Variants in MALRD1 observed in about 807,000 individuals in gnomAD.
MALRD1 encodes the protein MAM and LDL receptor class A domain containing 1.
A neutral mutation model predicts 242.1 loss-of-function variants in MALRD1; 247 were observed. The ratio of observed to expected loss-of-function variants is 1.02; its 90% CI spans 0.92 to 1.13. MALRD1 has a LOEUF of 1.13. Ranked by LOEUF, MALRD1 falls within the 50% of genes most tolerant of loss-of-function variation. MALRD1 has a pLI of 0.00. For synonymous variants in MALRD1, 995 were observed against 866.6 expected, an observed-to-expected ratio of 1.15 and a Z score of -2.60; for missense variants, 2,989 against 2,533.1, an observed-to-expected ratio of 1.18 and a Z score of -3.86.
chr10:19,407,194 G>T (rs1833066413), intron 28 of MALRD1, among the ~76,000 whole-genome samples: 1 of 152,126 alleles, frequency 6.6e-6, no homozygotes, highest in Non-Finnish European at 1.5e-5. Context: ...CCCTGGCCAG[G>T]CATGGTGGCT....
chr10:19,608,026 T>A lies in MALRD1; in HGVS notation c.6070+124T>A, dbSNP rs1021927058. ...GCATGGAATAATTGAATTTCTATTC[T>A]TGGTTTGGGGGCAGAAAGAATGTTG... On this transcript the variant is annotated intron_variant, in intron 35 of 39. Coordinates refer to ENST00000454679, the MANE Select transcript of MALRD1 (RefSeq NM_001142308.3). 3.1e-6 allele frequency: 4 copies of A among 1,304,802 alleles called. No homozygotes were observed. In the African/African-American group the frequency reaches 5.9e-5, roughly 19 times the overall value. The allele number at this position is 1,304,802 out of a possible 1,614,324, so 80.8% of individuals were successfully genotyped here. A position where few individuals can be genotyped will look rare whatever the true frequency, so the allele number is the denominator to read the frequency against.
At chr10:19,384,032 T>G (rs1476117100) in intron 26 of MALRD1, among the ~76,000 whole-genome samples, 1 of 151,732 alleles carries the variant, frequency 6.6e-6, no homozygotes, top group Admixed American at 6.6e-5. Context: ...GAATGATAAT[T>G]CTGGTATTGG....
At chr10:19,499,906 A>T (rs1302066623) in intron 31 of MALRD1, among the ~76,000 whole-genome samples, 1 of 152,186 alleles carries the variant, frequency 6.6e-6, no homozygotes, top group African/African-American at 2.4e-5. Context: ...TATATGGTGA[A>T]TCACATGTAC....
At chr10:19,195,142 T>C (rs1200934144) in intron 14 of MALRD1, among the ~76,000 whole-genome samples, 1 of 152,166 alleles carries the variant, frequency 6.6e-6, no homozygotes, top group Non-Finnish European at 1.5e-5. Context: ...GCAGCGTACA[T>C]AGTGTTCAGG....
intron 36 of MALRD1, among the ~76,000 whole-genome samples, chr10:19,624,831 A>G (rs143618968): frequency 1.4e-5 from 2 of 146,142 alleles, no homozygotes; most frequent in African/African-American, 5.1e-5. Flanking sequence ...GCACCACTGC[A>G]CTCCACACTC....
chr10:19,705,559 G>A (rs548150189), intron 38 of MALRD1, among the ~76,000 whole-genome samples: 11 of 152,222 alleles, frequency 7.2e-5, no homozygotes, highest in Admixed American at 5.2e-4. Flanking sequence ...CCTGCTAAAT[G>A]TTAACTTTGA....
intron 1 of MALRD1, among the ~76,000 whole-genome samples, chr10:19,056,475 A>AT (rs1210584239): frequency 6.6e-6 from 1 of 151,772 alleles, no homozygotes; most frequent in South Asian, 2.1e-4. Context: ...AGTTTTCTAA[A>AT]TTTTTTTGGA....
chr10:19,389,230 C>T (rs1408121481), intron 27 of MALRD1: 3 of 652,112 alleles, frequency 4.6e-6, no homozygotes. Context: ...ATCAGTTAAT[C>T]TGCATACTGT....
intron 4 of MALRD1, among the ~76,000 whole-genome samples, chr10:19,095,980 C>G (rs974863953): frequency 1.3e-5 from 2 of 152,174 alleles, no homozygotes; most frequent in African/African-American, 4.8e-5. Context: ...TATGGGTCCA[C>G]TCCATCATCA....
rs140704085 is a variant in MALRD1, at chr10:19,673,406, A to C, written c.6138-18876A>C. The stretch of plus-strand genomic sequence containing the variant: ...CGTCTCAAAATAAATAAATAAATAA[A>C]ATTTTTTGCCTTTTCCTTATATGAT... On this transcript the variant is annotated intron_variant, in intron 36 of 39. Coordinates refer to ENST00000454679, the MANE Select transcript of MALRD1 (RefSeq NM_001142308.3). Among the ~76,000 whole-genome samples the C allele has an allele frequency of 1.3e-4, 20 of 152,078 alleles. No homozygotes were observed. The East Asian group carries it at 3.9e-3, about 29-fold the overall frequency.
intron 29 of MALRD1, among the ~76,000 whole-genome samples, chr10:19,470,429 A>C (rs2131136019): frequency 6.6e-6 from 1 of 152,142 alleles, no homozygotes; most frequent in South Asian, 2.1e-4. Context: ...TTGAGATATT[A>C]ATTTCAATTC....
intron 38 of MALRD1, among the ~76,000 whole-genome samples, chr10:19,714,438 G>A (rs953011305): frequency 3.3e-5 from 5 of 151,998 alleles, no homozygotes; most frequent in Admixed American, 6.6e-5. Context: ...TGTTCCTCTC[G>A]ACGTCCAGCT....
At chr10:19,455,589 C>G (rs1478136094) in intron 29 of MALRD1, among the ~76,000 whole-genome samples, 1 of 152,112 alleles carries the variant, frequency 6.6e-6, no homozygotes, top group Non-Finnish European at 1.5e-5. Context: ...ATTATTAACT[C>G]TATACAAGGT....
intron 33 of MALRD1, among the ~76,000 whole-genome samples, chr10:19,585,163 T>G (rs1422246197): frequency 6.6e-6 from 1 of 152,182 alleles, no homozygotes; most frequent in Non-Finnish European, 1.5e-5. Flanking sequence ...CACTGATGGG[T>G]CTTGGCTCTT....
At chr10:19,588,090 A>G (rs940284673) in intron 33 of MALRD1, among the ~76,000 whole-genome samples, 1 of 152,136 alleles carries the variant, frequency 6.6e-6, no homozygotes, top group African/African-American at 2.4e-5. Context: ...TAGGATGCAT[A>G]TGAAATGAAT....
intron 21 of MALRD1, among the ~76,000 whole-genome samples, chr10:19,290,060 G>C (rs1841334442): frequency 6.6e-6 from 1 of 152,164 alleles, no homozygotes; most frequent in Non-Finnish European, 1.5e-5. Context: ...CAGTATGGTA[G>C]GAATATGTAG....
In MALRD1 at chr10:19,123,493, T is replaced by A; in HGVS notation, c.696T>A (p.Asp232Glu). 1 of 1,232,314 alleles carries A rather than the reference T, an allele frequency of 8.1e-7. No individual in the cohort carries two copies. The highest frequency in any genetic ancestry group is 1.0e-6 in the Non-Finnish European group (1 of 986,692). The allele number at this position is 1,232,314 out of a possible 1,614,324, so 76.3% of individuals were successfully genotyped here. ...SFSSGCLPAN[D>E]GILLCQEALN... ...CTTGCCAATCTTTAAATTTAACAGA[T>A]GGAATTTTACTGTGTCAAGAAGCAT... is the stretch of plus-strand genomic sequence containing the variant. Residue 232 changes from aspartate (D) to glutamate (E), a missense_variant and splice_region_variant, in exon 6 of 40, where the codon GAT becomes GAA. Coordinates refer to ENST00000454679, the MANE Select transcript of MALRD1 (RefSeq NM_001142308.3).
At chr10:19,621,553 A>G (rs574808363) in intron 36 of MALRD1, among the ~76,000 whole-genome samples, 1 of 151,738 alleles carries the variant, frequency 6.6e-6, no homozygotes, top group Non-Finnish European at 1.5e-5. Context: ...GAAATGAGAT[A>G]AAATAAGGAG....
At chr10:19,694,804 A>G (rs1399633038) in intron 38 of MALRD1, among the ~76,000 whole-genome samples, 1 of 152,238 alleles carries the variant, frequency 6.6e-6, no homozygotes, top group Non-Finnish European at 1.5e-5. Flanking sequence ...TCACAATAGC[A>G]AAGACTTGGA....
Sources: gnomAD v4.1 joint callset for allele counts (sites outside exome capture counted in the v4.1 genomes callset) on GRCh38, gnomAD v4.1.1 for gene constraint, MANE v1.5 for transcripts, NCBI Gene and HGNC (gene_info 2026-07-23, HGNC 2026-07-21) for gene names.